TMEM62: variants seen among roughly 807,000 people sequenced by gnomAD.
TMEM62 encodes the protein transmembrane protein 62.
Under a neutral mutation model 70.4 loss-of-function variants are expected in TMEM62, and 41 were observed. The ratio of observed to expected loss-of-function variants is 0.58; its 90% CI spans 0.45 to 0.76. The LOEUF (loss-of-function observed/expected upper bound fraction) is 0.76. Ranked by LOEUF, TMEM62 falls within the 30% of genes least tolerant of loss-of-function variation. The probability of loss-of-function intolerance (pLI) is 0.00; values close to 1 mark genes in which losing one functional copy is unlikely to be tolerated. For missense variants in TMEM62, 688 were observed against 788.5 expected, an observed-to-expected ratio of 0.87 and a Z score of 1.53; for synonymous variants, 268 against 291.0, an observed-to-expected ratio of 0.92 and a Z score of 0.80.
intron 12 of TMEM62, 122 bp downstream of exon 12, chr15:43,178,833 T>C: frequency 1.8e-6 from 1 of 544,022 alleles, no homozygotes; most frequent in Non-Finnish European, 3.1e-6. Flanking sequence ...AATCATTTTC[T>C]GGGACATGGT....
At chr15:43,158,742 G>T (rs892406594) in intron 9 of TMEM62, among the ~76,000 whole-genome samples, 4 of 152,108 alleles carry the variant, frequency 2.6e-5, no homozygotes, top group African/African-American at 9.7e-5. Context: ...CACACAAAAT[G>T]CAAGATAAAT....
At chr15:43,159,101 T>A (rs1276029389) in intron 9 of TMEM62, among the ~76,000 whole-genome samples, 1 of 152,320 alleles carries the variant, frequency 6.6e-6, no homozygotes, top group Admixed American at 6.5e-5. Context: ...TTTTTTAAAG[T>A]TTTACTTTTT....
At chr15:43,136,778 G>T (rs1037481427) in intron 3 of TMEM62, among the ~76,000 whole-genome samples, 1 of 151,958 alleles carries the variant, frequency 6.6e-6, no homozygotes, top group African/African-American at 2.4e-5. Context: ...TTTTGACAGG[G>T]TCTTGCTCTG....
Position 43,148,797 on chromosome 15 carries a change from C to T in TMEM62, c.661C>T (p.Arg221Trp), listed in dbSNP as rs767812738. 20 of 1,613,932 alleles carry T rather than the reference C, an allele frequency of 1.2e-5. No individual in the cohort carries two copies. Among genetic ancestry groups the T allele is most frequent in the East Asian group, 6.7e-5 (3 of 44,878 alleles). ...CTTATTACTGGCCAAGGAAAGCAGT[C>T]GGAGCAACCATACAATTTGGTTTGG... ...ELLLLAKESSRSNHTIWFGHF... is the reference protein window; with the variant it reads ...ELLLLAKESSWSNHTIWFGHF... The change falls in exon 6 of 14, where the codon CGG (arginine) becomes TGG (tryptophan). Residue 221 changes from arginine to tryptophan, a missense_variant. Arg to Trp is a moderately radical substitution (Grantham distance 101, BLOSUM62 -3). Transcript: ENST00000260403.
intron 7 of TMEM62, among the ~76,000 whole-genome samples, chr15:43,149,852 GT>G: frequency 6.6e-6 from 1 of 152,342 alleles, no homozygotes; most frequent in East Asian, 1.9e-4. Context: ...CAAGATGGTA[GT>G]GATTTAACTT....
chr15:43,160,762 T>A lies in TMEM62; in HGVS notation c.1264T>A (p.Ser422Thr), dbSNP rs183547872. The A allele has an allele frequency of 5.1e-5, 82 of 1,610,538 alleles. No homozygotes were observed. The Admixed American group carries it at 7.2e-4, about 14-fold the overall frequency. The change falls in exon 10 of 14, where the codon TCA becomes ACA. Residue 422 changes from serine to threonine, a missense_variant. Ser to Thr is a moderately conservative substitution (Grantham distance 58). Transcript: ENST00000260403. ...TCATCTCAGTTTTGATCCCCTGGCATCATTTATTCTCCGTACTGATCACTA... is the reference window on the plus strand; with the variant it reads ...TCATCTCAGTTTTGATCCCCTGGCAACATTTATTCTCCGTACTGATCACTA... Reference protein sequence around the residue: ...NNHLSFDPLASFILRTDHYIM... With the variant: ...NNHLSFDPLATFILRTDHYIM...
chr15:43,135,659 A>G lies in TMEM62; in HGVS notation c.430+10A>G, dbSNP rs1471440346. On this transcript the variant is annotated intron_variant, in intron 3 of 13. Transcript: ENST00000260403. ...ATCAAAGGAAATCATGGTAAGAGCC[A>G]AGAGCCAGATACAATAAAGACAAGA... is the stretch of plus-strand genomic sequence containing the variant. 1 of 1,584,226 alleles carries G rather than the reference A, an allele frequency of 6.3e-7. No individual in the cohort carries two copies. Among genetic ancestry groups the G allele is most frequent in the African/African-American group, 1.4e-5 (1 of 73,144 alleles).
At chr15:43,170,847 G>T (rs991155507) in intron 11 of TMEM62, among the ~76,000 whole-genome samples, 5 of 152,180 alleles carry the variant, frequency 3.3e-5, no homozygotes, top group African/African-American at 9.7e-5. Context: ...AGTACCTTGA[G>T]CAGGGGAATA....
chr15:43,139,854 C>T (rs574077227), intron 4 of TMEM62, among the ~76,000 whole-genome samples: 3 of 152,276 alleles, frequency 2.0e-5, no homozygotes, highest in African/African-American at 7.2e-5. Context: ...TGCAGTGTGA[C>T]GCAGCAAGTG....
intron 13 of TMEM62, among the ~76,000 whole-genome samples, chr15:43,182,654 G>A (rs139310160): frequency 0.045 from 6,836 of 151,846 alleles, 492 homozygotes; most frequent in African/African-American, 0.15. Context: ...GGGTTTCACT[G>A]TGTTGGCCAG....
intron 10 of TMEM62, among the ~76,000 whole-genome samples, chr15:43,162,224 G>A (rs923215006): frequency 1.3e-4 from 20 of 151,526 alleles, no homozygotes; most frequent in East Asian, 3.9e-4. Context: ...TGCAACCTCC[G>A]CCTCCTGGAT....
intron 12 of TMEM62, among the ~76,000 whole-genome samples, chr15:43,179,137 G>A (rs1567243329): frequency 6.6e-6 from 1 of 152,114 alleles, no homozygotes; most frequent in Non-Finnish European, 1.5e-5. Flanking sequence ...GGTGGCTCAT[G>A]CCTGTAGTTC....
rs747185433 is a variant in TMEM62, at chr15:43,178,755, A to G, written c.1486+44A>G. 31 of 1,192,914 alleles carry G rather than the reference A, an allele frequency of 2.6e-5. No individual in the cohort carries two copies. The East Asian group carries it at 7.0e-4, about 27-fold the overall frequency. The allele number at this position is 1,192,914 out of a possible 1,614,324, so 73.9% of individuals were successfully genotyped here. A position where few individuals can be genotyped will look rare whatever the true frequency, so the allele number is the denominator to read the frequency against. ...ATTATGGGGAATTTTGCCAAAGAAT[A>G]TATTAACAATTTTGACAATAGAATT... On this transcript the variant is annotated intron_variant, in intron 12 of 13. Coordinates refer to ENST00000260403, the MANE Select transcript of TMEM62 (RefSeq NM_024956.4).
intron 11 of TMEM62, among the ~76,000 whole-genome samples, chr15:43,173,096 C>A (rs1470112123): frequency 6.6e-6 from 1 of 152,120 alleles, no homozygotes; most frequent in Non-Finnish European, 1.5e-5. Context: ...GGTGTGGTGG[C>A]ATGCACCTGT....
chr15:43,182,100 G>T (rs1157608567), intron 13 of TMEM62, among the ~76,000 whole-genome samples: 1 of 152,170 alleles, frequency 6.6e-6, no homozygotes, highest in Non-Finnish European at 1.5e-5. Context: ...ACAAACTGAT[G>T]TATTAGGTTT....
rs1331903362 is a variant in TMEM62, at chr15:43,146,476, T to C, written c.477-17T>C. ...TCTTTTTATTACACTAACACCCTCC[T>C]GTCTTCTATTTTTTAGGAAATATTC... On this transcript the variant is annotated splice_polypyrimidine_tract_variant and intron_variant, in intron 4 of 13. Coordinates refer to ENST00000260403, the MANE Select transcript of TMEM62 (RefSeq NM_024956.4). 13 of 1,602,576 alleles carry C rather than the reference T, an allele frequency of 8.1e-6. No homozygotes were observed. Among genetic ancestry groups the C allele is most frequent in the African/African-American group, 1.3e-5 (1 of 74,328 alleles).
At chr15:43,162,927 C>A (rs556091860) in intron 10 of TMEM62, among the ~76,000 whole-genome samples, 1 of 151,690 alleles carries the variant, frequency 6.6e-6, no homozygotes, top group Admixed American at 6.6e-5. Context: ...TATTTATATA[C>A]ATAATTACAT....
At position 43,184,398 on chromosome 15, in the gene TMEM62, C is replaced by A; in HGVS notation, c.1744C>A (p.Leu582Met). ...IMPVHLLMLL[L>M]YIWQVYSCYF... is the part of the protein sequence containing the mutation. ...GCCTGTTCACCTACTTATGCTACTG[C>A]TGTACATCTGGCAGGTTTATTCCTG... Residue 582 changes from leucine (L) to methionine (M), a missense_variant, in exon 14 of 14, where the codon CTG becomes ATG. Leu to Met is a conservative substitution (Grantham distance 15, BLOSUM62 2). Coordinates refer to ENST00000260403, the MANE Select transcript of TMEM62 (RefSeq NM_024956.4). The A allele has an allele frequency of 6.2e-7, 1 of 1,614,212 alleles. No individual in the cohort carries two copies. The highest frequency in any genetic ancestry group is 8.5e-7 in the Non-Finnish European group (1 of 1,180,028).
At chr15:43,170,089 T>G (rs2040026181) in intron 11 of TMEM62, among the ~76,000 whole-genome samples, 1 of 152,314 alleles carries the variant, frequency 6.6e-6, no homozygotes, top group African/African-American at 2.4e-5. Context: ...CACAATATAC[T>G]GGGTGAAAAA....
Sources: allele counts gnomAD v4.1 joint callset (sites outside exome capture counted in the v4.1 genomes callset), GRCh38; gene constraint gnomAD v4.1.1; transcripts MANE v1.5; gene names NCBI Gene and HGNC (gene_info 2026-07-23, HGNC 2026-07-21).